Variants in NTRK1 observed in about 807,000 individuals in gnomAD.
NTRK1 encodes the protein neurotrophic receptor tyrosine kinase 1, also known as high affinity nerve growth factor receptor.
In NTRK1, 62 loss-of-function variants were observed where a neutral mutation model predicts 86.8. The observed-to-expected ratio is 0.71, with a 90% CI of 0.58 to 0.88. The LOEUF (loss-of-function observed/expected upper bound fraction) is 0.88, where lower values mean the gene tolerates loss of function less well. Among genes scored for constraint, NTRK1 ranks in the 40% least tolerant of loss-of-function variants. The probability of loss-of-function intolerance (pLI) is 0.00; values close to 1 mark genes in which losing one functional copy is unlikely to be tolerated. For missense variants in NTRK1, 967 were observed against 1,078.4 expected (o/e 0.90, Z 1.45); for synonymous variants, 469 against 456.6 (o/e 1.03, Z -0.35).
chr1:156,851,707 T>A, intron 2 of NTRK1: 1 of 1,614,234 alleles, frequency 6.2e-7, no homozygotes, highest in Admixed American at 1.7e-5. Flanking sequence ...CAAGATCCTG[T>A]GCCGCCTGGA....
At chr1:156,833,622 A>G (rs1654522226) in intron 1 of NTRK1, among the ~76,000 whole-genome samples, 1 of 152,022 alleles carries the variant, frequency 6.6e-6, no homozygotes, top group South Asian at 2.1e-4. Context: ...AATATATTTT[A>G]GGTATAAGAA....
At chr1:156,827,665 G>A (rs1654358347) in intron 1 of NTRK1, among the ~76,000 whole-genome samples, 1 of 152,074 alleles carries the variant, frequency 6.6e-6, no homozygotes, top group African/African-American at 2.4e-5. Flanking sequence ...CCAAAATGCT[G>A]GGATTAAAGG....
At chr1:156,873,390 C>T (rs1440702142) in intron 7 of NTRK1, among the ~76,000 whole-genome samples, 1 of 152,142 alleles carries the variant, frequency 6.6e-6, no homozygotes, top group Admixed American at 6.5e-5. Flanking sequence ...TTATGGCCCA[C>T]CACTTATGTT....
intron 7 of NTRK1, among the ~76,000 whole-genome samples, chr1:156,873,049 G>A (rs963476898): frequency 2.0e-5 from 3 of 150,928 alleles, no homozygotes; most frequent in African/African-American, 7.3e-5. Context: ...GTGTGTGTGT[G>A]TGTGTGTGTG....
Position 156,816,028 on chromosome 1 carries a change from C to T in NTRK1, c.-64+190C>T, listed in dbSNP as rs369490353. 1.4e-5 allele frequency: 23 copies of T among 1,613,966 alleles called. 1 individual carries two copies. Among genetic ancestry groups the T allele is most frequent in the Non-Finnish European group, 1.6e-5 (19 of 1,179,928 alleles). On this transcript the variant is annotated intron_variant, in intron 1 of 16. Transcript: ENST00000392302. ...CACCGCAGTGTAGCCCAGGTTCTGG[C>T]AGCTCCTGCGGGTCATGTCTGTGAT... is the stretch of plus-strand genomic sequence containing the variant.
rs150399755 is a variant in NTRK1 at position 156,854,073 on chromosome 1, C to G, written c.51-10281C>G. 115 of 1,613,962 alleles carry G rather than the reference C, an allele frequency of 7.1e-5. No homozygotes were observed. The highest frequency in any genetic ancestry group is 9.3e-5 in the Non-Finnish European group (110 of 1,180,056). On this transcript the variant is annotated intron_variant, in intron 2 of 16. Coordinates refer to the NTRK1 transcript ENST00000392302. The surrounding 1 kb of genome is among the most constrained non-coding windows in gnomAD (Gnocchi z 4.2). ...GCATAGCCCAGGAAGAGGCGCGTCCCGCGGATGACTGCTAGGTTGGGGAAG... is the reference window on the plus strand; with the variant it reads ...GCATAGCCCAGGAAGAGGCGCGTCCGGCGGATGACTGCTAGGTTGGGGAAG...
At chr1:156,871,542 G>T (rs985261413) in intron 6 of NTRK1, 81 bp from the exon 7 acceptor site, 1 of 1,518,638 alleles carries the variant, frequency 6.6e-7, no homozygotes. Flanking sequence ...TCTGGAGCCA[G>T]AGGGGCTCTC....
chr1:156,850,216 T>C (rs1225740673), intron 2 of NTRK1, among the ~76,000 whole-genome samples: 1 of 151,868 alleles, frequency 6.6e-6, no homozygotes, highest in East Asian at 1.9e-4. Context: ...TGGTTATTTA[T>C]TTATGTATGT....
At chr1:156,849,506 G>A in intron 2 of NTRK1, 1 of 1,226,624 alleles carries the variant, frequency 8.2e-7, no homozygotes. Context: ...GTGGGGGCAG[G>A]GGGTGGGAAA....
At position 156,871,758 on chromosome 1, in the gene NTRK1, G is replaced by A; in HGVS notation, c.850+3G>A. On this transcript the variant is annotated splice_donor_region_variant and intron_variant, in intron 7 of 16. Transcript: ENST00000524377. ...CTCTGTTCAGGTCAACGTCTCCTGTGAGTCTCAGTGGCAGCTCCGGCACCC... is the reference window on the plus strand; with the variant it reads ...CTCTGTTCAGGTCAACGTCTCCTGTAAGTCTCAGTGGCAGCTCCGGCACCC... The A allele has an allele frequency of 6.2e-7, 1 of 1,614,164 alleles. No homozygotes were observed. Among genetic ancestry groups the A allele is most frequent in the Non-Finnish European group, 8.5e-7 (1 of 1,180,032 alleles).
chr1:156,829,353 C>G (rs1459444755), intron 1 of NTRK1, among the ~76,000 whole-genome samples: 3 of 152,156 alleles, frequency 2.0e-5, no homozygotes, highest in East Asian at 3.8e-4. Flanking sequence ...CTCATCCCCC[C>G]TTTTCAGTTC....
intron 8 of NTRK1, 120 bp from the exon 9 acceptor site, chr1:156,874,263 C>G (rs1485427109): frequency 1.4e-6 from 2 of 1,458,364 alleles, no homozygotes; most frequent in Non-Finnish European, 1.9e-6. Flanking sequence ...CCACCTCCAT[C>G]CCCCCTCGTC....
At chr1:156,876,640 G>A in intron 14 of NTRK1, 68 bp downstream of exon 14, 1 of 1,533,508 alleles carries the variant, frequency 6.5e-7, no homozygotes, top group East Asian at 2.4e-5. Flanking sequence ...CTTCCCTATA[G>A]ACATCCCTGC....
At chr1:156,851,667 T>C (rs1558090003) in intron 2 of NTRK1, 1 of 1,614,152 alleles carries the variant, frequency 6.2e-7, no homozygotes. Context: ...AGGTTGAGGA[T>C]GAGGCTTCCC....
chr1:156,880,909 G>A (rs1648222891), intron 16 of NTRK1, among the ~76,000 whole-genome samples: 1 of 152,172 alleles, frequency 6.6e-6, no homozygotes, highest in African/African-American at 2.4e-5. Context: ...GTTCTTCCTA[G>A]AGTCTAACTT....
chr1:156,849,513 G>GGGGGGGGGGGGGGGGGGGGGGGGGGA, intron 2 of NTRK1: 1 of 486,122 alleles, frequency 2.1e-6, no homozygotes, highest in Non-Finnish European at 4.1e-6. Flanking sequence ...CAGGGGGTGG[G>GGGGGGGGGGGGGGGGGGGGGGGGGGA]AAAGGGGATG....
intron 11 of NTRK1, 145 bp downstream of exon 11, chr1:156,875,153 G>A (rs2102913240): frequency 1.4e-6 from 1 of 711,524 alleles, no homozygotes; most frequent in Non-Finnish European, 2.5e-6. Flanking sequence ...ATGAAGGCCT[G>A]GCTGTGAGGC....
At chr1:156,867,885 G>A (rs1257726187) in intron 4 of NTRK1, among the ~76,000 whole-genome samples, 1 of 151,990 alleles carries the variant, frequency 6.6e-6, no homozygotes, top group Non-Finnish European at 1.5e-5. Context: ...GTGTTAGCCA[G>A]GATGGTCTCG....
rs956250952 is a variant in NTRK1 at position 156,854,455 on chromosome 1, C to G, written c.51-9899C>G. ...GGTGTGGGGTGGCCTCCTTCCTGGG[C>G]CCCGGAGGGCTCACCTGCAGCCTGC... On this transcript the variant is annotated intron_variant, in intron 2 of 16. Coordinates refer to the NTRK1 transcript ENST00000392302. The surrounding 1 kb of genome is among the most constrained non-coding windows in gnomAD (Gnocchi z 4.2). 1 of 792,892 alleles carries G rather than the reference C, an allele frequency of 1.3e-6. No homozygotes were observed. Among genetic ancestry groups the G allele is most frequent in the Admixed American group, 2.9e-5 (1 of 34,614 alleles). The allele number at this position is 792,892 out of a possible 1,614,324, so 49.1% of individuals were successfully genotyped here.
Sources: gnomAD v4.1 joint callset for allele counts (sites outside exome capture counted in the v4.1 genomes callset) on GRCh38, gnomAD v4.1.1 for gene constraint, Gnocchi (gnomAD v3.1) non-coding constraint, MANE v1.5 for transcripts, NCBI Gene and HGNC (gene_info 2026-07-23, HGNC 2026-07-21) for gene names.